ZNF483: variants seen among roughly 807,000 people sequenced by gnomAD.
ZNF483 encodes zinc finger protein HIT-10.
In ZNF483, 9 loss-of-function variants were observed where a neutral mutation model predicts 28.6. The observed-to-expected ratio is 0.32, with a 90% CI of 0.19 to 0.55. The LOEUF is 0.55. Ranked by LOEUF, ZNF483 falls within the 20% of genes least tolerant of loss-of-function variation. ZNF483 has a pLI of 0.93. For synonymous variants in ZNF483, 322 were observed against 306.2 expected (o/e 1.05, Z -0.54); for missense variants, 675 against 871.7 (o/e 0.77, Z 2.84).
chr9:111,560,974 T>TAGAG (rs1172194603), intron 5 of ZNF483, among the ~76,000 whole-genome samples: 1 of 9,334 alleles, frequency 1.1e-4, no homozygotes, highest in African/African-American at 4.9e-4. Context: ...TATATATATA[T>TAGAG]AGAGAGAGAG....
chr9:111,566,575 G>A (rs1164025914), intron 5 of ZNF483, among the ~76,000 whole-genome samples: 1 of 152,228 alleles, frequency 6.6e-6, no homozygotes, highest in Non-Finnish European at 1.5e-5. Context: ...CTTACATGGT[G>A]TAAGGTTTGA....
rs1265896122 is a variant in ZNF483, at chr9:111,554,973, A to G, written c.*11803A>G. ...TGTTAATTTTTCTTTGAGAAGTGTAATTTCTCCAGAGGTCTGCTCTTTAAT... is the reference window on the plus strand; with the variant it reads ...TGTTAATTTTTCTTTGAGAAGTGTAGTTTCTCCAGAGGTCTGCTCTTTAAT... On this transcript the variant is annotated 3_prime_UTR_variant, in exon 6 of 6. Transcript: ENST00000309235. Among the ~76,000 whole-genome samples the G allele has an allele frequency of 6.6e-6, 1 of 152,004 alleles. No individual in the cohort carries two copies. Among genetic ancestry groups the G allele is most frequent in the Non-Finnish European group, 1.5e-5 (1 of 67,996 alleles).
chr9:111,574,048 G>A (rs375232366), intron 5 of ZNF483: 24 of 152,336 alleles, frequency 1.6e-4, no homozygotes, highest in African/African-American at 5.5e-4. Flanking sequence ...GGGCATGGCA[G>A]TCTGCTCTTC....
chr9:111,527,519 A>C lies in ZNF483; in HGVS notation c.124A>C (p.Arg42=). Reference sequence around the variant, plus strand: ...TTCTGGGGAACAAGAAGCTATTTTAAGAGGAAATGCTGCTGATGCAGAGTC... The same window carrying C: ...TTCTGGGGAACAAGAAGCTATTTTACGAGGAAATGCTGCTGATGCAGAGTC... ...VTSGEQEAIL[R]GNAADAESFR... Residue 42 remains arginine (R), a synonymous_variant, in exon 2 of 6, where the codon AGA becomes CGA. Transcript: ENST00000309235. 1.2e-6 allele frequency: 2 copies of C among 1,614,244 alleles called. No individual in the cohort carries two copies. The highest frequency in any genetic ancestry group is 1.7e-6 in the Non-Finnish European group (2 of 1,180,048).
rs1384505369 is a variant in ZNF483, at chr9:111,548,731, C to G, written c.*5561C>G. Reference sequence around the variant, plus strand: ...TTAGCTGTGGTCTTTTCATATTTGACCTTTATTATGTTAAGGTAATTTCCT... The same window carrying G: ...TTAGCTGTGGTCTTTTCATATTTGAGCTTTATTATGTTAAGGTAATTTCCT... On this transcript the variant is annotated 3_prime_UTR_variant, in exon 6 of 6. Transcript: ENST00000309235. Among the ~76,000 whole-genome samples the G allele has an allele frequency of 1.3e-5, 2 of 151,540 alleles. No individual in the cohort carries two copies. The highest frequency in any genetic ancestry group is 2.9e-5 in the Non-Finnish European group (2 of 67,922).
At chr9:111,555,941 C>T (rs1828109693), downstream of ZNF483, among the ~76,000 whole-genome samples, 1 of 152,198 alleles carries the variant, frequency 6.6e-6, no homozygotes, top group South Asian at 2.1e-4. Context: ...AGTCTTAACT[C>T]ATTCTAGCAT....
rs1325257993 is a variant in ZNF483, at chr9:111,544,453, A to G, written c.*1283A>G. 1.3e-6 allele frequency: 1 copy of G among 766,406 alleles called. No individual in the cohort carries two copies. Among genetic ancestry groups the G allele is most frequent in the Non-Finnish European group, 1.6e-6 (1 of 629,682 alleles). The allele number at this position is 766,406 out of a possible 1,614,324, so 47.5% of individuals were successfully genotyped here. On this transcript the variant is annotated 3_prime_UTR_variant, in exon 6 of 6. Coordinates refer to ENST00000309235, the MANE Select transcript of ZNF483 (RefSeq NM_133464.5). ...GTCTTAAAAAAAATTATAAGGGCTAACAACACTGGGCTTTTATTTATGTAA... is the reference window on the plus strand; with the variant it reads ...GTCTTAAAAAAAATTATAAGGGCTAGCAACACTGGGCTTTTATTTATGTAA...
At chr9:111,574,506 AC>A in intron 5 of ZNF483, 1 of 290,978 alleles carries the variant, frequency 3.4e-6, no homozygotes, top group Non-Finnish European at 6.4e-6. Flanking sequence ...ACACCACCAC[AC>A]CCAGCTTATT....
In ZNF483 at chr9:111,534,304, G is replaced by C; in HGVS notation, c.672G>C (p.Trp224Cys). The change falls in exon 5 of 6, where the codon TGG (tryptophan) becomes TGC (cysteine). Residue 224 changes from tryptophan to cysteine, a missense_variant. This residue lies in a region of ZNF483 where 525 missense variants were observed against 581.8 expected (regional missense o/e 0.90). Transcript: ENST00000309235. ...SKLELISQLK[W>C]VELPWLLEEV... ...TAGAGTTGATTTCCCAGCTAAAGTGGGTTGAATTGCCATGGCTGCTGGAAG... is the reference window on the plus strand; with the variant it reads ...TAGAGTTGATTTCCCAGCTAAAGTGCGTTGAATTGCCATGGCTGCTGGAAG... 2 of 1,614,076 alleles carry C rather than the reference G, an allele frequency of 1.2e-6. No individual in the cohort carries two copies. Among genetic ancestry groups the C allele is most frequent in the Non-Finnish European group, 1.7e-6 (2 of 1,180,000 alleles).
At chr9:111,538,731 C>G (rs759197263) in intron 5 of ZNF483, among the ~76,000 whole-genome samples, 2 of 152,078 alleles carry the variant, frequency 1.3e-5, no homozygotes, top group African/African-American at 2.4e-5. Context: ...CATGTTGATA[C>G]ACAGCTTGTT....
chr9:111,543,376 G>A lies in ZNF483; in HGVS notation c.*206G>A. On this transcript the variant is annotated 3_prime_UTR_variant, in exon 6 of 6. Transcript: ENST00000309235. ...AATTAGTTGGTAAAGTCACTGGAAA[G>A]GGAAGAATGCAAAATGATTCTGAGG... 1.5e-6 allele frequency: 2 copies of A among 1,318,812 alleles called. No individual in the cohort carries two copies. Among genetic ancestry groups the A allele is most frequent in the Non-Finnish European group, 1.9e-6 (2 of 1,037,752 alleles). The allele number at this position is 1,318,812 out of a possible 1,614,324, so 81.7% of individuals were successfully genotyped here. A position where few individuals can be genotyped will look rare whatever the true frequency, so the allele number is the denominator to read the frequency against.
At chr9:111,531,186 G>T (rs1416875545) in intron 3 of ZNF483, among the ~76,000 whole-genome samples, 1 of 151,900 alleles carries the variant, frequency 6.6e-6, no homozygotes, top group Admixed American at 6.6e-5. Context: ...AACAGAGCAA[G>T]ACCCTGTCTC....
At position 111,543,849 on chromosome 9, in the gene ZNF483, G is replaced by T. The variant is rs1827737521; in HGVS notation, c.*679G>T. Reference sequence around the variant, plus strand: ...TGCCCAGACTGGTCTTGAACTCCTGGGCTCAAGTGATCCTTCCATCTCACT... The same window carrying T: ...TGCCCAGACTGGTCTTGAACTCCTGTGCTCAAGTGATCCTTCCATCTCACT... On this transcript the variant is annotated 3_prime_UTR_variant, in exon 6 of 6. Transcript: ENST00000309235. 8.3e-6 allele frequency: 8 copies of T among 966,732 alleles called. No individual in the cohort carries two copies. In the South Asian group the frequency reaches 3.8e-4, roughly 46 times the overall value. The allele number at this position is 966,732 out of a possible 1,614,324, so 59.9% of individuals were successfully genotyped here.
rs544789845 is a variant in ZNF483, at chr9:111,535,352, G to T, written c.721+999G>T. Reference sequence around the variant, plus strand: ...GAGCTGTGGGAATATACAGGAGCAAGGTTTTAATTCGCATTTGAGTTGAAT... The same window carrying T: ...GAGCTGTGGGAATATACAGGAGCAATGTTTTAATTCGCATTTGAGTTGAAT... On this transcript the variant is annotated intron_variant, in intron 5 of 5. Coordinates refer to ENST00000309235, the MANE Select transcript of ZNF483 (RefSeq NM_133464.5). Among the ~76,000 whole-genome samples, 10 of 152,292 alleles carry T rather than the reference G, an allele frequency of 6.6e-5. No homozygotes were observed. The South Asian group carries it at 2.1e-3, about 32-fold the overall frequency.
intron 5 of ZNF483, among the ~76,000 whole-genome samples, chr9:111,540,839 C>T (rs1296984352): frequency 3.3e-5 from 5 of 152,136 alleles, no homozygotes; most frequent in South Asian, 2.1e-4. Context: ...GGCTCTATCG[C>T]GTATTATACA....
downstream of ZNF483, among the ~76,000 whole-genome samples, chr9:111,556,098 A>G (rs545387326): frequency 1.3e-5 from 2 of 152,318 alleles, no homozygotes; most frequent in African/African-American, 4.8e-5. Flanking sequence ...TCCCATTCCA[A>G]GGAGGAGAGA....
At chr9:111,566,198 A>G (rs901538254) in intron 5 of ZNF483, among the ~76,000 whole-genome samples, 1 of 151,794 alleles carries the variant, frequency 6.6e-6, no homozygotes, top group Non-Finnish European at 1.5e-5. Flanking sequence ...GTGAGCCTCC[A>G]TGTCAAAAAT....
rs186393732 is a variant in ZNF483, at chr9:111,546,990, C to T, written c.*3820C>T. On this transcript the variant is annotated 3_prime_UTR_variant, in exon 6 of 6. Transcript: ENST00000309235. ...CACTTAGCATTATGTTTTCAAGGTT[C>T]GGCCGTGTTGTAGCACATATCAGAA... 5.1e-3 allele frequency among the ~76,000 whole-genome samples: 774 copies of T among 152,232 alleles called. 7 individuals are homozygous for T. Among genetic ancestry groups the T allele is most frequent in the Non-Finnish European group, 5.0e-3 (342 of 67,972 alleles).
Position 111,550,153 on chromosome 9 carries a change from C to T in ZNF483, c.*6983C>T, listed in dbSNP as rs796545867. 5.3e-5 allele frequency among the ~76,000 whole-genome samples: 8 copies of T among 152,262 alleles called. No individual in the cohort carries two copies. The highest frequency in any genetic ancestry group is 1.9e-4 in the African/African-American group (8 of 41,546). ...GCCTGTGTTGAATGCCTAAAGTTGTCTCAATTCTTTACAGAGCCTGCGTTT... is the reference window on the plus strand; with the variant it reads ...GCCTGTGTTGAATGCCTAAAGTTGTTTCAATTCTTTACAGAGCCTGCGTTT... On this transcript the variant is annotated 3_prime_UTR_variant, in exon 6 of 6. Coordinates refer to ENST00000309235, the MANE Select transcript of ZNF483 (RefSeq NM_133464.5).
Sources: gnomAD v4.1 joint callset for allele counts (sites outside exome capture counted in the v4.1 genomes callset) on GRCh38, gnomAD v4.1.1 for gene constraint, gnomAD v4.1.1 regional missense constraint, MANE v1.5 for transcripts, NCBI Gene and HGNC (gene_info 2026-07-23, HGNC 2026-07-21) for gene names.